Variants in DBNDD1 observed in about 807,000 individuals in gnomAD.
The protein encoded by DBNDD1 is dysbindin domain containing 1.
DBNDD1 carries 14 observed loss-of-function variants against 17.0 expected under a neutral mutation model. The ratio of observed to expected loss-of-function variants is 0.82; its 90% CI spans 0.54 to 1.29. The LOEUF (loss-of-function observed/expected upper bound fraction) is 1.29. Ranked by LOEUF, DBNDD1 falls within the 50% of genes most tolerant of loss-of-function variation. The pLI, the probability that DBNDD1 is intolerant of heterozygous loss-of-function variation, is 0.00. For missense variants in DBNDD1, 221 were observed against 216.2 expected (o/e 1.02, Z -0.14); for synonymous variants, 105 against 102.0 (o/e 1.03, Z -0.18).
rs2035708898 is a variant in DBNDD1, at chr16:90,019,013, G to T, written c.31+298C>A. On this transcript the variant is annotated intron_variant, in intron 1 of 3. Transcript: ENST00000002501. The surrounding 1 kb of genome is among the most constrained non-coding windows in gnomAD (Gnocchi z 6.1). ...CCCCCGCTCCCCGGGTCACCGGCTG[G>T]CTTGGCTGGGAGGGGGCTCAGGACG... Among the ~76,000 whole-genome samples the T allele has an allele frequency of 6.6e-6, 1 of 152,202 alleles. No homozygotes were observed. The highest frequency in any genetic ancestry group is 1.5e-5 in the Non-Finnish European group (1 of 68,020).
At chr16:90,006,606 C>A in intron 3 of DBNDD1, 114 bp from the exon 4 acceptor site, 1 of 1,348,476 alleles carries the variant, frequency 7.4e-7, no homozygotes, top group Non-Finnish European at 1.0e-6. Flanking sequence ...CTGCACCAGC[C>A]CCCTGCACCA....
intron 1 of DBNDD1, among the ~76,000 whole-genome samples, chr16:90,016,927 G>C (rs1158253593): frequency 1.3e-5 from 2 of 152,204 alleles, no homozygotes; most frequent in Non-Finnish European, 2.9e-5. Flanking sequence ...CCATCCCCCA[G>C]CACCTTCCTC....
At position 90,006,083 on chromosome 16, in the gene DBNDD1, G is replaced by T; in HGVS notation, c.*252C>A. The T allele has an allele frequency of 2.1e-6, 1 of 481,392 alleles. No homozygotes were observed. The highest frequency in any genetic ancestry group is 3.8e-6 in the Non-Finnish European group (1 of 263,840). 29.8% of individuals were successfully genotyped at this position (481,392 alleles called of 1,614,324 possible). A position where few individuals can be genotyped will look rare whatever the true frequency, so the allele number is the denominator to read the frequency against. ...GCCACTGGGCTGTGCTTGTGCTGGG[G>T]CTCCCAGAGGCATCCGGGGGCCCCG... On this transcript the variant is annotated 3_prime_UTR_variant, in exon 4 of 4. Transcript: ENST00000002501.
intron 3 of DBNDD1, 127 bp downstream of exon 3, chr16:90,008,657 A>T (rs1431290678): frequency 1.3e-5 from 8 of 599,938 alleles, no homozygotes; most frequent in African/African-American, 8.5e-5. Flanking sequence ...AAGGGGCCTC[A>T]CCCCCCAAAC....
chr16:90,012,230 C>T (rs983553496), intron 1 of DBNDD1, among the ~76,000 whole-genome samples: 13 of 152,170 alleles, frequency 8.5e-5, no homozygotes, highest in Admixed American at 6.5e-4. Context: ...AGAGCAGGTA[C>T]GAGTGGGGAA....
At chr16:90,009,455 C>T (rs766458325) in intron 1 of DBNDD1, 25 bp from the exon 2 acceptor site, 1 of 1,606,382 alleles carries the variant, frequency 6.2e-7, no homozygotes, top group Non-Finnish European at 8.5e-7. Flanking sequence ...ACAGTGTCAC[C>T]TTGAGATCCA....
chr16:90,009,115 A>C, intron 2 of DBNDD1, 169 bp downstream of exon 2: 1 of 1,225,440 alleles, frequency 8.2e-7, no homozygotes, highest in Non-Finnish European at 1.1e-6. Flanking sequence ...TTCACTTGAC[A>C]GATGGTGCAG....
At chr16:90,013,262 T>TAAAAAAAAAGAAAAAAAAAAAA (rs2035586642) in intron 1 of DBNDD1, among the ~76,000 whole-genome samples, 1 of 49,182 alleles carries the variant, frequency 2.0e-5, no homozygotes, top group Non-Finnish European at 4.4e-5. Flanking sequence ...AACCTTGCCT[T>TAAAAAAAAAGAAAAAAAAAAAA]AAAAAAAAAA....
chr16:90,007,333 TG>T (rs2035445759), intron 3 of DBNDD1: 1 of 152,588 alleles, frequency 6.6e-6, no homozygotes, highest in Non-Finnish European at 1.5e-5. Context: ...CTGAGTGGCC[TG>T]GGGGGTTGGG....
chr16:90,019,417 C>T lies in DBNDD1; in HGVS notation c.-76G>A, dbSNP rs1248977203. 25 of 952,368 alleles carry T rather than the reference C, an allele frequency of 2.6e-5. No individual in the cohort carries two copies. Among genetic ancestry groups the T allele is most frequent in the Non-Finnish European group, 3.3e-5 (25 of 751,278 alleles). 59.0% of individuals were successfully genotyped at this position (952,368 alleles called of 1,614,324 possible). A position where few individuals can be genotyped will look rare whatever the true frequency, so the allele number is the denominator to read the frequency against. On this transcript the variant is annotated 5_prime_UTR_variant, in exon 1 of 4. Transcript: ENST00000002501. This position sits in a 1 kb window ranked among gnomAD's most constrained non-coding sequence, Gnocchi z 6.1. ...CCGGGCGCCCCAACAGCTGCGGCAG[C>T]GACTCGGCCCCGGCTCCGGGCGCAG...
rs1227223563 is a variant in DBNDD1, at chr16:90,008,932, C to T, written c.179-8G>A. The T allele has an allele frequency of 6.5e-7, 1 of 1,548,706 alleles. No homozygotes were observed. Among genetic ancestry groups the T allele is most frequent in the African/African-American group, 1.4e-5 (1 of 73,642 alleles). ...AGACGCTGCTCAGAGGCTCTGAGGG[C>T]AGAGGGGGTACAGTCAGCCCTCAGG... On this transcript the variant is annotated splice_region_variant and splice_polypyrimidine_tract_variant and intron_variant, in intron 2 of 3. Transcript: ENST00000002501.
intron 1 of DBNDD1, among the ~76,000 whole-genome samples, chr16:90,010,950 C>T (rs1284695589): frequency 6.6e-6 from 1 of 152,234 alleles, no homozygotes; most frequent in Admixed American, 6.5e-5. Flanking sequence ...CCACCCATTG[C>T]CCCTGCAGGA....
chr16:90,017,796 G>C (rs910616660), intron 1 of DBNDD1, among the ~76,000 whole-genome samples: 3 of 152,218 alleles, frequency 2.0e-5, no homozygotes, highest in Admixed American at 1.3e-4. Context: ...TTGGTGTCAA[G>C]AGCGTGAGCC....
chr16:90,011,800 A>C (rs1375781043), intron 1 of DBNDD1: 2 of 387,942 alleles, frequency 5.2e-6, no homozygotes, highest in African/African-American at 2.1e-5. Flanking sequence ...CACAGGGGAC[A>C]GGGGGTGAGA....
In DBNDD1 at chr16:90,009,379, T is replaced by G. The variant is rs1442227864; in HGVS notation, c.83A>C (p.Gln28Pro). 1.2e-6 allele frequency: 2 copies of G among 1,613,288 alleles called. No individual in the cohort carries two copies. Residue 28 changes from glutamine (Q) to proline (P), a missense_variant, in exon 2 of 4, where the codon CAG (glutamine) becomes CCG (proline). Transcript: ENST00000002501. ...VPQAALGVPAQGTGDNGHTPV... is the reference protein window; with the variant it reads ...VPQAALGVPAPGTGDNGHTPV... ...CGTGTGGCCATTGTCCCCTGTCCCC[T>G]GGGCTGGGACGCCCAGCGCAGCCTG...
Position 90,019,320 on chromosome 16 carries a change from C to T in DBNDD1, c.22G>A (p.Gly8Ser), listed in dbSNP as rs2035723361. The change falls in exon 1 of 4, where the codon GGC (glycine) becomes AGC (serine). Residue 8 changes from glycine (G) to serine (S), a missense_variant. Physicochemically the swap from Gly to Ser is moderately conservative, Grantham distance 56. Transcript: ENST00000002501. The surrounding 1 kb of genome is among the most constrained non-coding windows in gnomAD (Gnocchi z 6.1). MEPPEGA[G>S]TGEIVKEAEV... ...CTGGGGCTGAACTCACCTCCGGTGC[C>T]GGCGCCCTCCGGGGGCTCCATGCGG... 2 of 1,218,342 alleles carry T rather than the reference C, an allele frequency of 1.6e-6. No homozygotes were observed. Among genetic ancestry groups the T allele is most frequent in the African/African-American group, 1.6e-5 (1 of 63,900 alleles). The allele number at this position is 1,218,342 out of a possible 1,614,324, so 75.5% of individuals were successfully genotyped here. A position where few individuals can be genotyped will look rare whatever the true frequency, so the allele number is the denominator to read the frequency against.
In DBNDD1 at chr16:90,019,076, G is replaced by C. The variant is rs189216082; in HGVS notation, c.31+235C>G. ...ACCCACCAAGGAGCGTGCCGGGCACGGCTTCCCGGGCCGGGAGCGCAGAGA... is the reference window on the plus strand; with the variant it reads ...ACCCACCAAGGAGCGTGCCGGGCACCGCTTCCCGGGCCGGGAGCGCAGAGA... On this transcript the variant is annotated intron_variant, in intron 1 of 3. Coordinates refer to ENST00000002501, the MANE Select transcript of DBNDD1 (RefSeq NM_001042610.3). The surrounding 1 kb of genome is among the most constrained non-coding windows in gnomAD (Gnocchi z 6.1). Among the ~76,000 whole-genome samples the C allele has an allele frequency of 4.3e-4, 66 of 152,308 alleles. No homozygotes were observed. Among genetic ancestry groups the C allele is most frequent in the African/African-American group, 1.4e-3 (60 of 41,586 alleles).
Position 90,006,463 on chromosome 16 carries a change from G to C in DBNDD1, c.349C>G (p.Leu117Val). 1 of 1,600,132 alleles carries C rather than the reference G, an allele frequency of 6.2e-7. No homozygotes were observed. Among genetic ancestry groups the C allele is most frequent in the South Asian group, 1.1e-5 (1 of 91,038 alleles). The change falls in exon 4 of 4, where the codon CTG (leucine) becomes GTG (valine). Residue 117 changes from leucine to valine, a missense_variant. Physicochemically the swap from Leu to Val is conservative, Grantham distance 32 (BLOSUM62 1). Transcript: ENST00000002501. ...GLHPLPRAGY[L>V]RSPSWTRTRA... ...GTCCTCGTCCAGGAAGGGGAGCGCA[G>C]GTAGCCGGCCCGGGGCAGCGGGTGC...
In DBNDD1 at chr16:90,016,100, C is replaced by G. The variant is rs890342324; in HGVS notation, c.31+3211G>C. Among the ~76,000 whole-genome samples the G allele has an allele frequency of 5.3e-5, 8 of 152,330 alleles. No individual in the cohort carries two copies. The East Asian group carries it at 1.5e-3, about 29-fold the overall frequency. The stretch of plus-strand genomic sequence containing the variant: ...AGGAAATGACAGAGACTCACATACA[C>G]TGTGAGTCGGCCACACGCCAGACCC... On this transcript the variant is annotated intron_variant, in intron 1 of 3. Coordinates refer to ENST00000002501, the MANE Select transcript of DBNDD1 (RefSeq NM_001042610.3).
Sources: allele counts gnomAD v4.1 joint callset (sites outside exome capture counted in the v4.1 genomes callset), GRCh38; gene constraint gnomAD v4.1.1; non-coding constraint Gnocchi (gnomAD v3.1); transcripts MANE v1.5; gene names NCBI Gene and HGNC (gene_info 2026-07-23, HGNC 2026-07-21).